Variants in CDH12 observed in about 807,000 individuals in gnomAD.
CDH12 encodes cadherin-12.
In CDH12, 41 loss-of-function variants were observed where a neutral mutation model predicts 74.1. The observed-to-expected ratio is 0.55, with a 90% CI of 0.43 to 0.72. The LOEUF (loss-of-function observed/expected upper bound fraction) is 0.72. Among genes scored for constraint, CDH12 ranks in the 30% least tolerant of loss-of-function variants. The pLI, the probability that CDH12 is intolerant of heterozygous loss-of-function variation, is 0.00. For synonymous variants in CDH12, 399 were observed against 355.0 expected (o/e 1.12, Z -1.39); for missense variants, 945 against 977.2 (o/e 0.97, Z 0.44).
intron 4 of CDH12, among the ~76,000 whole-genome samples, chr5:22,152,600 A>G (rs1043209017): frequency 8.5e-5 from 13 of 152,222 alleles, no homozygotes; most frequent in Admixed American, 5.9e-4. Context: ...TAACATAGGT[A>G]TTGGCTCACA....
intron 4 of CDH12, among the ~76,000 whole-genome samples, chr5:22,164,168 G>A (rs890976796): frequency 5.3e-5 from 8 of 152,172 alleles, no homozygotes; most frequent in African/African-American, 1.4e-4. Context: ...AAATGGCGGC[G>A]GGCCACTTCC....
chr5:21,876,843 C>T (rs1751964851), intron 6 of CDH12, among the ~76,000 whole-genome samples: 1 of 152,148 alleles, frequency 6.6e-6, no homozygotes, highest in Admixed American at 6.5e-5. Context: ...AATAGAGTTC[C>T]CTAAGATTCA....
At chr5:21,845,956 G>T (rs759524373) in intron 7 of CDH12, among the ~76,000 whole-genome samples, 1 of 152,130 alleles carries the variant, frequency 6.6e-6, no homozygotes, top group Non-Finnish European at 1.5e-5. Flanking sequence ...TTGCTCGGGG[G>T]AATGCCAGCA....
intron 7 of CDH12, among the ~76,000 whole-genome samples, chr5:21,852,543 C>A (rs1188423385): frequency 6.6e-6 from 1 of 151,166 alleles, no homozygotes; most frequent in Non-Finnish European, 1.5e-5. Context: ...TTTAACCCAT[C>A]CTTTACGTTT....
chr5:22,751,029 G>T (rs917189009), intron 1 of CDH12, among the ~76,000 whole-genome samples: 7 of 151,828 alleles, frequency 4.6e-5, no homozygotes, highest in Non-Finnish European at 7.4e-5. Context: ...ATTTCACAAT[G>T]TTGGGAAAAT....
At chr5:22,799,703 C>A (rs1232256841) in intron 1 of CDH12, among the ~76,000 whole-genome samples, 1 of 151,980 alleles carries the variant, frequency 6.6e-6, no homozygotes, top group Non-Finnish European at 1.5e-5. Flanking sequence ...CTCAGTACTC[C>A]CCACATTCAT....
intron 3 of CDH12, among the ~76,000 whole-genome samples, chr5:22,336,976 C>A (rs929930237): frequency 6.6e-6 from 1 of 152,168 alleles, no homozygotes; most frequent in Non-Finnish European, 1.5e-5. Flanking sequence ...CTGTACCCTG[C>A]AAAGCCACAG....
chr5:22,163,086 C>G (rs1427222500), intron 4 of CDH12, among the ~76,000 whole-genome samples: 1 of 151,830 alleles, frequency 6.6e-6, no homozygotes, highest in Non-Finnish European at 1.5e-5. Context: ...TTAGTAGAGA[C>G]GGGGTTTCAC....
At chr5:21,771,520 G>A (rs924764823) in intron 11 of CDH12, among the ~76,000 whole-genome samples, 6 of 152,180 alleles carry the variant, frequency 3.9e-5, no homozygotes, top group African/African-American at 1.4e-4. Flanking sequence ...TTTTCTGATG[G>A]GCAATTGGTT....
chr5:22,175,023 A>G (rs1365370382), intron 4 of CDH12, among the ~76,000 whole-genome samples: 15 of 152,080 alleles, frequency 9.9e-5, no homozygotes, highest in African/African-American at 3.4e-4. Flanking sequence ...CTAGAGTTAA[A>G]TTAATATTTT....
intron 3 of CDH12, among the ~76,000 whole-genome samples, chr5:22,275,078 A>G (rs764311869): frequency 3.3e-5 from 5 of 152,084 alleles, no homozygotes; most frequent in Non-Finnish European, 7.4e-5. Context: ...CTCTTAGGCA[A>G]ACAAGAAAAG....
chr5:22,214,494 C>A (rs1008010464), intron 3 of CDH12, among the ~76,000 whole-genome samples: 3 of 152,122 alleles, frequency 2.0e-5, no homozygotes, highest in African/African-American at 7.2e-5. Context: ...GCTAATTTCT[C>A]CTGAGAGGGT....
At chr5:22,090,433 C>T (rs372763521) in intron 4 of CDH12, among the ~76,000 whole-genome samples, 4 of 150,632 alleles carry the variant, frequency 2.7e-5, no homozygotes, top group East Asian at 3.9e-4. Flanking sequence ...GATGTCTTCA[C>T]TGTTGAATTC....
chr5:22,665,916 CT>C (rs199948826), intron 1 of CDH12, among the ~76,000 whole-genome samples: 2 of 151,566 alleles, frequency 1.3e-5, no homozygotes, highest in East Asian at 2.0e-4. Flanking sequence ...GAAGCTATTT[CT>C]TTTTTTTTCT....
At chr5:22,103,375 C>T (rs1312007067) in intron 4 of CDH12, among the ~76,000 whole-genome samples, 1 of 152,098 alleles carries the variant, frequency 6.6e-6, no homozygotes, top group Non-Finnish European at 1.5e-5. Context: ...TTACAACCAG[C>T]CATCCAAATG....
chr5:22,846,321 A>C (rs1737299469), intron 1 of CDH12, among the ~76,000 whole-genome samples: 1 of 152,314 alleles, frequency 6.6e-6, no homozygotes, highest in South Asian at 2.1e-4. Flanking sequence ...CAGAGGGATT[A>C]GAAGTAAAGG....
chr5:21,905,879 C>A (rs1753619515), intron 6 of CDH12, among the ~76,000 whole-genome samples: 2 of 152,112 alleles, frequency 1.3e-5, no homozygotes. Context: ...ATTTTTCTGA[C>A]AGATGCTGAC....
intron 2 of CDH12, among the ~76,000 whole-genome samples, chr5:22,414,565 C>T (rs1402075528): frequency 6.6e-6 from 1 of 151,856 alleles, no homozygotes; most frequent in Non-Finnish European, 1.5e-5. Flanking sequence ...GTAAGGTTCT[C>T]ATAGAAATTA....
At chr5:22,851,970 C>T (rs186186336) in intron 1 of CDH12, among the ~76,000 whole-genome samples, 250 of 152,246 alleles carry the variant, frequency 1.6e-3, no homozygotes, top group Middle Eastern at 0.01. Flanking sequence ...CAGTGAAGAT[C>T]AAGCAAACTA....
Sources: allele counts gnomAD v4.1 joint callset (sites outside exome capture counted in the v4.1 genomes callset), GRCh38; gene constraint gnomAD v4.1.1; transcripts MANE v1.5; gene names NCBI Gene and HGNC (gene_info 2026-07-23, HGNC 2026-07-21).